Variants in CNTN1 observed in about 807,000 individuals in gnomAD.
The protein encoded by CNTN1 is contactin-1.
A neutral mutation model predicts 126.4 loss-of-function variants in CNTN1; 38 were observed. That is an observed-to-expected ratio of 0.30 (90% CI 0.23 to 0.39). CNTN1 has a LOEUF of 0.39. CNTN1 is among the 10% of genes least tolerant of loss of function. CNTN1 has a pLI of 1.00. For missense variants in CNTN1, 1,009 were observed against 1,248.4 expected, an observed-to-expected ratio of 0.81 and a Z score of 2.89; for synonymous variants, 413 against 422.6, an observed-to-expected ratio of 0.98 and a Z score of 0.28.
At chr12:40,972,549 ATG>A (rs975326956) in intron 15 of CNTN1, 3 of 774,482 alleles carry the variant, frequency 3.9e-6, no homozygotes, top group Non-Finnish European at 4.7e-6. Context: ...AAATTATTAT[ATG>A]TGTGTGTATA....
intron 1 of CNTN1, among the ~76,000 whole-genome samples, chr12:40,791,346 A>G (rs1940214240): frequency 6.6e-6 from 1 of 152,162 alleles, no homozygotes; most frequent in African/African-American, 2.4e-5. Flanking sequence ...CTCAATTACC[A>G]AAATATGTCC....
intron 1 of CNTN1, among the ~76,000 whole-genome samples, chr12:40,793,690 C>A (rs987120832): frequency 6.6e-6 from 1 of 152,000 alleles, no homozygotes; most frequent in African/African-American, 2.4e-5. Context: ...GGAATCACTC[C>A]CCTGTCTGCC....
rs1462673624 is a variant in CNTN1 at position 40,837,379 on chromosome 12, C to CTCA, written c.-76-70978_-76-70977insTCA. On this transcript the variant is annotated intron_variant, in intron 1 of 23. Coordinates refer to ENST00000551295, the MANE Select transcript of CNTN1 (RefSeq NM_001843.4). ...CTGGAAGCTGGGAGTGACTTCCCAG[C>CTCA]CCAGGGATTAGGTGAGCAAGACACA... is the stretch of plus-strand genomic sequence containing the variant. Among the ~76,000 whole-genome samples the CTCA allele has an allele frequency of 3.9e-5, 6 of 152,178 alleles. No individual in the cohort carries two copies. The East Asian group carries it at 1.2e-3, about 29-fold the overall frequency.
chr12:40,845,972 G>T (rs193015891), intron 1 of CNTN1, among the ~76,000 whole-genome samples: 9 of 152,270 alleles, frequency 5.9e-5, no homozygotes, highest in African/African-American at 2.2e-4. Context: ...AGATTGAGTT[G>T]GGGAATGTGA....
rs75970534 is a variant in CNTN1 at position 40,908,622 on chromosome 12, A to G, written c.61+129A>G. 41,531 of 632,948 alleles carry G rather than the reference A, an allele frequency of 0.066. 2,424 individuals are homozygous for G. Among genetic ancestry groups the G allele is most frequent in the Admixed American group, 0.2 (7,172 of 35,048 alleles). 39.2% of individuals were successfully genotyped at this position (632,948 alleles called of 1,614,324 possible). A position where few individuals can be genotyped will look rare whatever the true frequency, so the allele number is the denominator to read the frequency against. ...ATCTGGGTCAGATAAGTAGATAAAT[A>G]TGTATCAAGGGTGACCCTATTTCCT... On this transcript the variant is annotated intron_variant, in intron 2 of 23. Transcript: ENST00000551295.
chr12:40,781,586 T>C (rs887147298), intron 1 of CNTN1, among the ~76,000 whole-genome samples: 1 of 152,022 alleles, frequency 6.6e-6, no homozygotes, highest in Non-Finnish European at 1.5e-5. Flanking sequence ...ATGGGAGGGT[T>C]AGTCATTGTT....
chr12:40,718,143 A>C (rs1942095263), intron 1 of CNTN1, among the ~76,000 whole-genome samples: 1 of 152,002 alleles, frequency 6.6e-6, no homozygotes, highest in Non-Finnish European at 1.5e-5. Context: ...AATTGTAAGG[A>C]TATTTCCTGA....
chr12:40,782,662 G>A (rs191472827), intron 1 of CNTN1, among the ~76,000 whole-genome samples: 3 of 152,032 alleles, frequency 2.0e-5, no homozygotes, highest in Admixed American at 2.0e-4. Context: ...CAAGTAGATG[G>A]AGGTGTATGG....
At chr12:40,787,396 G>A (rs1940064822) in intron 1 of CNTN1, among the ~76,000 whole-genome samples, 1 of 152,120 alleles carries the variant, frequency 6.6e-6, no homozygotes, top group African/African-American at 2.4e-5. Context: ...GCATCTTTCA[G>A]TGTCATTAGA....
intron 1 of CNTN1, among the ~76,000 whole-genome samples, chr12:40,759,492 G>A (rs1005429260): frequency 2.0e-5 from 3 of 146,490 alleles, no homozygotes; most frequent in Non-Finnish European, 3.0e-5. Context: ...TTTAGACAGG[G>A]TCTCACTCTG....
chr12:41,070,014 C>A lies in CNTN1; in HGVS notation c.3036C>A (p.Ile1012=). 6.2e-7 allele frequency: 1 copy of A among 1,614,064 alleles called. No individual in the cohort carries two copies. Among genetic ancestry groups the A allele is most frequent in the East Asian group, 2.2e-5 (1 of 44,870 alleles). ...GCTTACTGCTGCCTGCCTTTGGCATCCTTGTCTACTTGGAATTCTGAATGT... is the reference window on the plus strand; with the variant it reads ...GCTTACTGCTGCCTGCCTTTGGCATACTTGTCTACTTGGAATTCTGAATGT... The part of the protein sequence containing the change: ...LLGLLLPAFG[I]LVYLEF The change falls in exon 24 of 24, where the codon ATC becomes ATA. Residue 1012 remains isoleucine, a synonymous_variant. Transcript: ENST00000551295.
At chr12:40,961,682 G>C (rs949095066) in intron 15 of CNTN1, among the ~76,000 whole-genome samples, 1 of 151,774 alleles carries the variant, frequency 6.6e-6, no homozygotes, top group African/African-American at 2.4e-5. Flanking sequence ...GTCCCACAAG[G>C]CATTAAAAAG....
At chr12:40,893,631 C>T (rs1008087669) in intron 1 of CNTN1, among the ~76,000 whole-genome samples, 2 of 152,038 alleles carry the variant, frequency 1.3e-5, no homozygotes, top group African/African-American at 4.8e-5. Flanking sequence ...CTGCTTCCTC[C>T]CCTTATTTTG....
chr12:40,835,885 C>T (rs1204034472), intron 1 of CNTN1, among the ~76,000 whole-genome samples: 2 of 151,344 alleles, frequency 1.3e-5, no homozygotes, highest in African/African-American at 2.4e-5. Context: ...AAATTCTACA[C>T]ATATGCCAGG....
intron 1 of CNTN1, among the ~76,000 whole-genome samples, chr12:40,903,787 T>A (rs1195558241): frequency 1.3e-5 from 2 of 152,176 alleles, no homozygotes; most frequent in Non-Finnish European, 2.9e-5. Context: ...TAGCATGGAA[T>A]AACACAGAGA....
chr12:41,019,572 A>G (rs1379324117), intron 19 of CNTN1, among the ~76,000 whole-genome samples: 1 of 152,196 alleles, frequency 6.6e-6, no homozygotes, highest in African/African-American at 2.4e-5. Flanking sequence ...AAAATTGATC[A>G]CCCCTGCTTA....
chr12:40,830,328 T>C (rs10735961), intron 1 of CNTN1, among the ~76,000 whole-genome samples: 63,629 of 151,756 alleles, frequency 0.42, 13,632 homozygotes, highest in East Asian at 0.68. Flanking sequence ...TTGTTTGGTA[T>C]ATATGAGGCA....
chr12:41,017,016 C>CT, intron 19 of CNTN1, 100 bp downstream of exon 19: 1 of 897,932 alleles, frequency 1.1e-6, no homozygotes, highest in Non-Finnish European at 1.8e-6. Flanking sequence ...TTATTAAGAC[C>CT]TTTTTATAGC....
At chr12:40,877,333 G>C (rs566379102) in intron 1 of CNTN1, among the ~76,000 whole-genome samples, 1 of 152,240 alleles carries the variant, frequency 6.6e-6, no homozygotes, top group South Asian at 2.1e-4. Context: ...TCATGGCATA[G>C]GTCCTGAGAG....
Sources: gnomAD v4.1 joint callset for allele counts (sites outside exome capture counted in the v4.1 genomes callset) on GRCh38, gnomAD v4.1.1 for gene constraint, MANE v1.5 for transcripts, NCBI Gene and HGNC (gene_info 2026-07-23, HGNC 2026-07-21) for gene names.